MUCL1: variants seen among roughly 807,000 people sequenced by gnomAD.
MUCL1 encodes the protein mucin like 1.
MUCL1 carries 11 observed loss-of-function variants against 9.2 expected under a neutral mutation model. The observed-to-expected ratio is 1.19, with a 90% confidence interval of 0.75 to 1.97. The LOEUF is 1.97. Ranked by LOEUF, MUCL1 falls within the 30% of genes most tolerant of loss-of-function variation. The probability of loss-of-function intolerance (pLI) is 0.00; values close to 1 mark genes in which losing one functional copy is unlikely to be tolerated. For synonymous variants in MUCL1, 48 were observed against 40.5 expected (o/e 1.19, Z -0.71); for missense variants, 144 against 110.9 (o/e 1.30, Z -1.34).
intron 1 of MUCL1, among the ~76,000 whole-genome samples, chr12:54,845,538 A>T (rs1330792042): frequency 6.6e-6 from 1 of 152,116 alleles, no homozygotes; most frequent in Non-Finnish European, 1.5e-5. Context: ...TTTGGTCCCC[A>T]TTCTCAAACC....
At chr12:54,847,817 A>G (rs1959278451) in intron 1 of MUCL1, among the ~76,000 whole-genome samples, 1 of 152,196 alleles carries the variant, frequency 6.6e-6, no homozygotes, top group Non-Finnish European at 1.5e-5. Flanking sequence ...GTATGACAGA[A>G]GTTACGGGTC....
At chr12:54,838,042 T>C (rs1265342141), upstream of MUCL1, among the ~76,000 whole-genome samples, 1 of 152,240 alleles carries the variant, frequency 6.6e-6, no homozygotes, top group Non-Finnish European at 1.5e-5. Context: ...AGTTTTATGC[T>C]TCAAGTGGTT....
intron 1 of MUCL1, among the ~76,000 whole-genome samples, chr12:54,845,513 C>A (rs1312227158): frequency 6.6e-6 from 1 of 152,042 alleles, no homozygotes; most frequent in Non-Finnish European, 1.5e-5. Context: ...AAACAAGGCA[C>A]CCTTCACTTC....
chr12:54,850,403 C>T (rs889575426), upstream of MUCL1, among the ~76,000 whole-genome samples: 3 of 150,268 alleles, frequency 2.0e-5, no homozygotes, highest in Admixed American at 2.0e-4. Context: ...AGTGAGAACA[C>T]ACGGTGTTTG....
chr12:54,842,912 T>C (rs1301116810), intron 1 of MUCL1, among the ~76,000 whole-genome samples: 1 of 152,150 alleles, frequency 6.6e-6, no homozygotes, highest in Non-Finnish European at 1.5e-5. Flanking sequence ...CCCATAAGAT[T>C]ATAATACCAT....
upstream of MUCL1, among the ~76,000 whole-genome samples, chr12:54,849,882 A>G (rs1422686455): frequency 6.6e-6 from 1 of 152,204 alleles, no homozygotes; most frequent in African/African-American, 2.4e-5. Context: ...TCAGAAAAAT[A>G]AAGCCTCAAA....
At chr12:54,856,102 T>A (rs934462428) in intron 2 of MUCL1, among the ~76,000 whole-genome samples, 1 of 121,424 alleles carries the variant, frequency 8.2e-6, no homozygotes, top group African/African-American at 2.6e-5. Context: ...GTACATATAG[T>A]AATTAATGGG....
At chr12:54,851,897 C>T (rs1163311644), upstream of MUCL1, among the ~76,000 whole-genome samples, 3 of 152,138 alleles carry the variant, frequency 2.0e-5, no homozygotes, top group Admixed American at 6.5e-5. Context: ...GACTGAACTC[C>T]CATTCCCAAT....
At chr12:54,847,058 C>A (rs931524963) in intron 1 of MUCL1, among the ~76,000 whole-genome samples, 1 of 152,192 alleles carries the variant, frequency 6.6e-6, no homozygotes, top group Non-Finnish European at 1.5e-5. Flanking sequence ...TTTTCATAGA[C>A]CTACGCTCCC....
Position 54,854,541 on chromosome 12 carries a change from G to A in MUCL1, c.-42G>A, listed in dbSNP as rs1171925541. On this transcript the variant is annotated 5_prime_UTR_variant, in exon 1 of 4. Transcript: ENST00000308796. Reference sequence around the variant, plus strand: ...AGCGCCTTGCCTTCTCTTAGGCTTTGAAGCATTTTTGTCTGTGCTCCCTGA... The same window carrying A: ...AGCGCCTTGCCTTCTCTTAGGCTTTAAAGCATTTTTGTCTGTGCTCCCTGA... 1.9e-6 allele frequency: 3 copies of A among 1,568,312 alleles called. No individual in the cohort carries two copies. Among genetic ancestry groups the A allele is most frequent in the South Asian group, 2.2e-5 (2 of 89,066 alleles).
At chr12:54,833,306 G>A (rs1435555272) in intron 1 of MUCL1, among the ~76,000 whole-genome samples, 7 of 151,996 alleles carry the variant, frequency 4.6e-5, no homozygotes, top group African/African-American at 1.7e-4. Context: ...CTATGCAAAT[G>A]TTTTATTTCT....
intron 1 of MUCL1, among the ~76,000 whole-genome samples, chr12:54,848,580 C>T (rs149799397): frequency 1.7e-3 from 263 of 152,066 alleles, no homozygotes; most frequent in African/African-American, 6.1e-3. Context: ...TTCGTATATA[C>T]TCAGAATCCT....
At chr12:54,851,399 G>A (rs193068658), upstream of MUCL1, among the ~76,000 whole-genome samples, 35 of 152,262 alleles carry the variant, frequency 2.3e-4, no homozygotes, top group Non-Finnish European at 4.7e-4. Flanking sequence ...CAGAACCAAA[G>A]ACAAAAACCA....
At chr12:54,833,405 C>A (rs1959187956) in intron 1 of MUCL1, among the ~76,000 whole-genome samples, 1 of 152,044 alleles carries the variant, frequency 6.6e-6, no homozygotes, top group Non-Finnish European at 1.5e-5. Flanking sequence ...TTATATACAC[C>A]TTTCCAATAC....
chr12:54,851,131 G>T (rs1350369723), upstream of MUCL1, among the ~76,000 whole-genome samples: 1 of 152,122 alleles, frequency 6.6e-6, no homozygotes, highest in African/African-American at 2.4e-5. Context: ...TCTGATGGTA[G>T]TTTCTTTTGC....
At chr12:54,841,754 C>T (rs1959213084) in intron 1 of MUCL1, among the ~76,000 whole-genome samples, 1 of 152,056 alleles carries the variant, frequency 6.6e-6, no homozygotes, top group African/African-American at 2.4e-5. Flanking sequence ...ATTTACAAGT[C>T]CTTAAGTTTC....
upstream of MUCL1, chr12:54,854,428 C>T (rs1868282046): frequency 1.7e-6 from 1 of 589,976 alleles, no homozygotes; most frequent in Non-Finnish European, 3.0e-6. Context: ...CCCAACGTTT[C>T]CTGGCATTAC....
At chr12:54,857,076 A>T (rs1331426860) in intron 3 of MUCL1, among the ~76,000 whole-genome samples, 184 bp downstream of exon 3, 1 of 151,844 alleles carries the variant, frequency 6.6e-6, no homozygotes, top group African/African-American at 2.4e-5. Context: ...AGGTTACCTG[A>T]CTCCTAGGTT....
chr12:54,836,895 G>C (rs1381449514), upstream of MUCL1, among the ~76,000 whole-genome samples: 2 of 151,998 alleles, frequency 1.3e-5, no homozygotes, highest in Non-Finnish European at 2.9e-5. Context: ...TAGTTTTGAG[G>C]GTTCTTTTTG....
Sources: gnomAD v4.1 joint callset for allele counts (sites outside exome capture counted in the v4.1 genomes callset) on GRCh38, gnomAD v4.1.1 for gene constraint, MANE v1.5 for transcripts, NCBI Gene and HGNC (gene_info 2026-07-23, HGNC 2026-07-21) for gene names.